The following CNTN5 variants were observed in gnomAD, a reference collection of about 807,000 sequenced individuals.
CNTN5 encodes contactin-5.
CNTN5 carries 77 observed loss-of-function variants against 129.1 expected under a neutral mutation model. The ratio of observed to expected loss-of-function variants is 0.60; its 90% CI spans 0.50 to 0.72. The LOEUF (loss-of-function observed/expected upper bound fraction) is 0.72. Ranked by LOEUF, CNTN5 falls within the 30% of genes least tolerant of loss-of-function variation. The pLI is 0.00. For synonymous variants in CNTN5, 509 were observed against 465.6 expected, an observed-to-expected ratio of 1.09 and a Z score of -1.20; for missense variants, 1,478 against 1,328.8, an observed-to-expected ratio of 1.11 and a Z score of -1.75.
intron 9 of CNTN5, among the ~76,000 whole-genome samples, chr11:100,012,767 C>A (rs1165617965): frequency 6.6e-6 from 1 of 152,174 alleles, no homozygotes; most frequent in Non-Finnish European, 1.5e-5. Context: ...TGCCCTGAAG[C>A]ATCTCAGTGA....
chr11:100,221,966 T>G (rs1041881973), intron 15 of CNTN5, among the ~76,000 whole-genome samples: 5 of 152,196 alleles, frequency 3.3e-5, no homozygotes, highest in African/African-American at 1.2e-4. Flanking sequence ...GGAGGTTCTC[T>G]CTCAGGAACT....
chr11:99,915,507 T>C (rs1383662040), intron 6 of CNTN5, among the ~76,000 whole-genome samples: 1 of 152,164 alleles, frequency 6.6e-6, no homozygotes, highest in Admixed American at 6.6e-5. Context: ...TTTCATAAAA[T>C]GAAAGTCACA....
intron 13 of CNTN5, among the ~76,000 whole-genome samples, chr11:100,171,908 CTATAAATAGT>C (rs1947839103): frequency 6.6e-6 from 1 of 151,922 alleles, no homozygotes; most frequent in African/African-American, 2.4e-5. Context: ...TTATATCTAG[CTATAAATAGT>C]GTTTTTTCAA....
At chr11:99,609,481 T>A (rs1950532255) in intron 3 of CNTN5, among the ~76,000 whole-genome samples, 2 of 152,154 alleles carry the variant, frequency 1.3e-5, no homozygotes. Flanking sequence ...ATGCCTAATG[T>A]AATCATTAAT....
At chr11:99,260,617 A>G (rs375611759) in intron 1 of CNTN5, among the ~76,000 whole-genome samples, 9 of 152,018 alleles carry the variant, frequency 5.9e-5, no homozygotes, top group East Asian at 1.9e-4. Flanking sequence ...ACTACACACA[A>G]CTAAAAATTA....
chr11:99,841,622 C>T (rs1236738896), intron 4 of CNTN5, among the ~76,000 whole-genome samples: 1 of 150,546 alleles, frequency 6.6e-6, no homozygotes, highest in Non-Finnish European at 1.5e-5. Flanking sequence ...GCAGCAGAAG[C>T]AGCATCAGCA....
At chr11:100,033,481 T>C (rs1165202610) in intron 9 of CNTN5, among the ~76,000 whole-genome samples, 2 of 152,196 alleles carry the variant, frequency 1.3e-5, no homozygotes, top group Non-Finnish European at 2.9e-5. Flanking sequence ...TGTCTATGTA[T>C]TCTTAATCCA....
intron 8 of CNTN5, among the ~76,000 whole-genome samples, chr11:99,974,841 G>C (rs1341762546): frequency 6.6e-6 from 1 of 152,104 alleles, no homozygotes; most frequent in Admixed American, 6.5e-5. Flanking sequence ...CCTTCACAGT[G>C]TCAGAGTGTT....
At chr11:99,360,384 A>T (rs1360161478) in intron 2 of CNTN5, among the ~76,000 whole-genome samples, 3 of 152,176 alleles carry the variant, frequency 2.0e-5, no homozygotes, top group Non-Finnish European at 4.4e-5. Flanking sequence ...GTCTGTCTGT[A>T]GCAGCCCCCA....
At chr11:100,330,865 T>G (rs537735443) in intron 21 of CNTN5, among the ~76,000 whole-genome samples, 1 of 152,150 alleles carries the variant, frequency 6.6e-6, no homozygotes, top group East Asian at 1.9e-4. Flanking sequence ...CACACCAAAA[T>G]AGAACCTCCT....
At chr11:99,276,584 A>G (rs1863445883) in intron 1 of CNTN5, among the ~76,000 whole-genome samples, 1 of 151,638 alleles carries the variant, frequency 6.6e-6, no homozygotes, top group African/African-American at 2.4e-5. Context: ...TGAGAAATAT[A>G]TTAAATATAA....
intron 13 of CNTN5, among the ~76,000 whole-genome samples, chr11:100,175,762 A>T (rs1383431205): frequency 6.6e-6 from 1 of 152,152 alleles, no homozygotes; most frequent in East Asian, 1.9e-4. Context: ...CTCAACTCAC[A>T]CAGTGGTTAG....
At chr11:100,345,590 G>A (rs1191589402) in intron 23 of CNTN5, among the ~76,000 whole-genome samples, 8 of 131,140 alleles carry the variant, frequency 6.1e-5, no homozygotes, top group Non-Finnish European at 1.1e-4. Flanking sequence ...AAAAAAAAAA[G>A]AGGTTTCCCT....
intron 1 of CNTN5, among the ~76,000 whole-genome samples, chr11:99,216,473 A>G (rs535803030): frequency 6.6e-6 from 1 of 152,250 alleles, no homozygotes; most frequent in East Asian, 1.9e-4. Context: ...GAGTGCCGAT[A>G]TCTCTTAGAT....
chr11:100,283,727 C>G lies in CNTN5; in HGVS notation c.2314+12486C>G, dbSNP rs187852605. ...TTGGGAGGCCGAGGTGGGTGAATAACCTGAGGTCAGGAGTTCGAGACCAGC... is the reference window on the plus strand; with the variant it reads ...TTGGGAGGCCGAGGTGGGTGAATAAGCTGAGGTCAGGAGTTCGAGACCAGC... On this transcript the variant is annotated intron_variant, in intron 18 of 24. Coordinates refer to ENST00000524871, the MANE Select transcript of CNTN5 (RefSeq NM_014361.4). 5.1e-3 allele frequency among the ~76,000 whole-genome samples: 783 copies of G among 152,216 alleles called. 2 individuals are homozygous for G. Among genetic ancestry groups the G allele is most frequent in the Non-Finnish European group, 5.6e-3 (382 of 68,012 alleles).
intron 2 of CNTN5, among the ~76,000 whole-genome samples, chr11:99,334,429 T>G (rs1866133797): frequency 6.6e-6 from 1 of 152,124 alleles, no homozygotes; most frequent in Non-Finnish European, 1.5e-5. Context: ...TTATCTTAAT[T>G]TGATCATTAT....
intron 1 of CNTN5, among the ~76,000 whole-genome samples, chr11:99,299,046 T>C (rs1864508995): frequency 6.6e-6 from 1 of 152,180 alleles, no homozygotes; most frequent in Non-Finnish European, 1.5e-5. Flanking sequence ...AACCTGTCTT[T>C]GAATTGTTGA....
intron 9 of CNTN5, among the ~76,000 whole-genome samples, chr11:100,058,906 T>C (rs1223511131): frequency 6.6e-6 from 1 of 152,174 alleles, no homozygotes. Flanking sequence ...AGGAGGCATT[T>C]AGGACAGGTC....
intron 3 of CNTN5, among the ~76,000 whole-genome samples, chr11:99,730,740 T>C (rs1591051937): frequency 1.3e-5 from 2 of 152,354 alleles, no homozygotes; most frequent in East Asian, 1.9e-4. Context: ...CAATGTATAA[T>C]GGTCAAATCA....
Sources: gnomAD v4.1 joint callset for allele counts (sites outside exome capture counted in the v4.1 genomes callset) on GRCh38, gnomAD v4.1.1 for gene constraint, MANE v1.5 for transcripts, NCBI Gene and HGNC (gene_info 2026-07-23, HGNC 2026-07-21) for gene names.